Variants in FHIT observed in about 807,000 individuals in gnomAD.
FHIT encodes fragile histidine triad diadenosine triphosphatase, also known as bis(5'-adenosyl)-triphosphatase.
Under a neutral mutation model 17.9 loss-of-function variants are expected in FHIT, and 19 were observed. The ratio of observed to expected loss-of-function variants is 1.06; its 90% confidence interval spans 0.74 to 1.56. The LOEUF (loss-of-function observed/expected upper bound fraction) is 1.56, where lower values mean the gene tolerates loss of function less well. Ranked by LOEUF, FHIT falls within the 40% of genes most tolerant of loss-of-function variation. The pLI is 0.00. For synonymous variants in FHIT, 81 were observed against 69.7 expected (o/e 1.16, Z -0.81); for missense variants, 248 against 189.2 (o/e 1.31, Z -1.82).
chr3:61,204,536 G>A (rs1315914817), intron 1 of FHIT, among the ~76,000 whole-genome samples: 2 of 152,110 alleles, frequency 1.3e-5, no homozygotes, highest in Admixed American at 1.3e-4. Flanking sequence ...AAGAAGCAAA[G>A]GAAAACACGC....
At chr3:59,768,870 G>T (rs975698316) in intron 8 of FHIT, among the ~76,000 whole-genome samples, 6 of 152,178 alleles carry the variant, frequency 3.9e-5, no homozygotes, top group Non-Finnish European at 7.3e-5. Flanking sequence ...AACAAAATAA[G>T]ATTTCTCTGT....
At chr3:61,187,779 A>T (rs377652823) in intron 2 of FHIT, among the ~76,000 whole-genome samples, 2 of 152,312 alleles carry the variant, frequency 1.3e-5, no homozygotes, top group East Asian at 3.9e-4. Context: ...TAAGAAACTC[A>T]CTCAAAACCG....
At chr3:60,184,941 C>A (rs1702096758) in intron 5 of FHIT, among the ~76,000 whole-genome samples, 1 of 152,130 alleles carries the variant, frequency 6.6e-6, no homozygotes, top group South Asian at 2.1e-4. Context: ...GCTCCTATGT[C>A]CCTTTAACAC....
intron 3 of FHIT, among the ~76,000 whole-genome samples, chr3:60,934,083 GCTGCAGCAAT>G (rs1218417654): frequency 3.3e-5 from 5 of 152,280 alleles, no homozygotes; most frequent in South Asian, 4.1e-4. Context: ...ACTGATTGCA[GCTGCAGCAAT>G]CTGCAATAAA....
intron 5 of FHIT, among the ~76,000 whole-genome samples, chr3:60,048,963 A>C (rs1007945707): frequency 6.6e-6 from 1 of 152,144 alleles, no homozygotes; most frequent in Non-Finnish European, 1.5e-5. Context: ...TTTAACCCTG[A>C]GTGTCTAGAA....
intron 8 of FHIT, among the ~76,000 whole-genome samples, chr3:59,831,264 G>A (rs1391450156): frequency 6.6e-6 from 1 of 152,120 alleles, no homozygotes; most frequent in Non-Finnish European, 1.5e-5. Context: ...CATTATCTGT[G>A]ATGCTGGTGA....
chr3:60,221,288 T>G (rs927653867), intron 5 of FHIT, among the ~76,000 whole-genome samples: 1 of 152,132 alleles, frequency 6.6e-6, no homozygotes, highest in Admixed American at 6.5e-5. Flanking sequence ...CCTTTTGTTT[T>G]AGACAAGCAG....
intron 1 of FHIT, among the ~76,000 whole-genome samples, chr3:61,236,281 T>G (rs910815000): frequency 4.0e-5 from 6 of 148,722 alleles, no homozygotes; most frequent in African/African-American, 1.5e-4. Context: ...ATATATATTA[T>G]GGTAATTAGT....
intron 5 of FHIT, among the ~76,000 whole-genome samples, chr3:60,353,025 G>A (rs1699486847): frequency 6.6e-6 from 1 of 152,122 alleles, no homozygotes. Flanking sequence ...TTGATCAATT[G>A]ATTTGTTTGG....
chr3:59,835,621 T>C (rs1220334350), intron 8 of FHIT, among the ~76,000 whole-genome samples: 4 of 152,166 alleles, frequency 2.6e-5, no homozygotes, highest in Admixed American at 1.3e-4. Flanking sequence ...TGGAATACTC[T>C]GAGGATTAAA....
At chr3:60,283,001 C>A (rs909641370) in intron 5 of FHIT, among the ~76,000 whole-genome samples, 1 of 152,044 alleles carries the variant, frequency 6.6e-6, no homozygotes, top group African/African-American at 2.4e-5. Context: ...GACTAGAGAG[C>A]AGCTGGCTAG....
intron 2 of FHIT, among the ~76,000 whole-genome samples, chr3:61,148,967 A>T (rs1375088244): frequency 6.6e-6 from 1 of 152,226 alleles, no homozygotes; most frequent in Non-Finnish European, 1.5e-5. Flanking sequence ...TCATGCCACA[A>T]TGGAAAGATT....
chr3:60,446,796 T>A (rs1186552664), intron 5 of FHIT, among the ~76,000 whole-genome samples: 3 of 151,522 alleles, frequency 2.0e-5, no homozygotes, highest in Non-Finnish European at 4.4e-5. Context: ...GAGGTTGCAG[T>A]GAGCTATGAT....
At chr3:61,208,873 T>G (rs1027978895) in intron 1 of FHIT, among the ~76,000 whole-genome samples, 1 of 152,048 alleles carries the variant, frequency 6.6e-6, no homozygotes, top group Non-Finnish European at 1.5e-5. Flanking sequence ...TGTTAGCTGG[T>G]TATTTCGCTC....
At chr3:59,835,417 G>C (rs1701305494) in intron 8 of FHIT, among the ~76,000 whole-genome samples, 1 of 152,058 alleles carries the variant, frequency 6.6e-6, no homozygotes, top group African/African-American at 2.4e-5. Flanking sequence ...TCATAATAAA[G>C]AGAGTCTTTG....
chr3:59,752,309 C>T lies in FHIT; in HGVS notation c.361G>A (p.Asp121Asn), dbSNP rs1219054842. 4 of 1,611,564 alleles carry T rather than the reference C, an allele frequency of 2.5e-6. No homozygotes were observed. Residue 121 changes from aspartate (D) to asparagine (N), a missense_variant, in exon 9 of 10, where the codon GAC becomes AAC. Asp to Asn is a conservative substitution (Grantham distance 23). Transcript: ENST00000492590. ...DSIYEELQKH[D>N]KEDFPASWRS... ...CAAGAGGCAGGAAAGTCCTCCTTGT[C>T]ATGTTTCTGGAGCTTTGGAGAAAAA...
In FHIT at chr3:60,518,476, G is replaced by A. The variant is rs112535314; in HGVS notation, c.103+18384C>T. Among the ~76,000 whole-genome samples the A allele has an allele frequency of 5.4e-3, 826 of 152,272 alleles. 49 individuals carry two copies. In the East Asian group the frequency reaches 0.14, roughly 25 times the overall value. On this transcript the variant is annotated intron_variant, in intron 5 of 9. Coordinates refer to ENST00000492590, the MANE Select transcript of FHIT (RefSeq NM_002012.4). ...GGCCAAAACAAAAAACCTAATTCTT[G>A]AAGTTTATGAGATGTGTACCCCCAT...
intron 4 of FHIT, among the ~76,000 whole-genome samples, chr3:60,683,456 A>G (rs939158042): frequency 1.1e-4 from 16 of 152,184 alleles, no homozygotes; most frequent in Non-Finnish European, 4.4e-5. Flanking sequence ...CACCAGCAGA[A>G]AGATTATGAC....
intron 2 of FHIT, among the ~76,000 whole-genome samples, chr3:61,119,010 T>G (rs1020640105): frequency 9.2e-5 from 14 of 152,070 alleles, no homozygotes; most frequent in African/African-American, 3.4e-4. Context: ...GCACCATCAT[T>G]TCAGTTTTGC....
Sources: gnomAD v4.1 joint callset for allele counts (sites outside exome capture counted in the v4.1 genomes callset) on GRCh38, gnomAD v4.1.1 for gene constraint, MANE v1.5 for transcripts, NCBI Gene and HGNC (gene_info 2026-07-23, HGNC 2026-07-21) for gene names.